Variants in TMOD3 observed in about 807,000 individuals in gnomAD.
The protein encoded by TMOD3 is tropomodulin 3, also known as tropomodulin-3.
A neutral mutation model predicts 39.2 loss-of-function variants in TMOD3; 20 were observed. That is an observed-to-expected ratio of 0.51 (90% confidence interval 0.36 to 0.74). The LOEUF (loss-of-function observed/expected upper bound fraction) is 0.74. Ranked by LOEUF, TMOD3 falls within the 30% of genes least tolerant of loss-of-function variation. TMOD3 has a pLI of 0.00. For missense variants in TMOD3, 381 were observed against 412.8 expected, an observed-to-expected ratio of 0.92 and a Z score of 0.67; for synonymous variants, 143 against 145.8, an observed-to-expected ratio of 0.98 and a Z score of 0.14.
intron 3 of TMOD3, among the ~76,000 whole-genome samples, chr15:51,874,521 T>G (rs941582879): frequency 3.9e-5 from 6 of 152,198 alleles, no homozygotes; most frequent in African/African-American, 1.4e-4. Context: ...TTGTTCTCGT[T>G]TGGAGAATGG....
Position 51,909,262 on chromosome 15 carries a change from CAA to C in TMOD3, c.*453_*454del, listed in dbSNP as rs1246923889. 1 of 153,410 alleles carries C rather than the reference CAA, an allele frequency of 6.5e-6. No homozygotes were observed. Among genetic ancestry groups the C allele is most frequent in the African/African-American group, 2.4e-5 (1 of 41,416 alleles). The allele number at this position is 153,410 out of a possible 1,614,324, so 9.5% of individuals were successfully genotyped here. Reference sequence around the variant, plus strand: ...CATTTTTTAAAATACATGAACTTGGCAAGGGTGTGATTTTTCTTTATCAAGAG... The same window carrying C: ...CATTTTTTAAAATACATGAACTTGGCGGGTGTGATTTTTCTTTATCAAGAG... On this transcript the variant is annotated 3_prime_UTR_variant, in exon 10 of 10. Coordinates refer to ENST00000308580, the MANE Select transcript of TMOD3 (RefSeq NM_014547.5).
intron 3 of TMOD3, among the ~76,000 whole-genome samples, chr15:51,877,567 C>A (rs948102915): frequency 4.0e-5 from 6 of 151,862 alleles, no homozygotes; most frequent in African/African-American, 1.5e-4. Context: ...GTAATCCCAG[C>A]TACTAGGGAG....
chr15:51,907,083 G>C (rs1466187267), intron 9 of TMOD3: 1 of 150,778 alleles, frequency 6.6e-6, no homozygotes, highest in Non-Finnish European at 1.5e-5. Flanking sequence ...ATTTTTCAGA[G>C]ATCTATATAC....
chr15:51,896,452 A>G lies in TMOD3; in HGVS notation c.661A>G (p.Lys221Glu). ...IPIPTLKDFA[K>E]ALETNTHVKC... ...AATTCCAACCCTAAAAGATTTTGCAAAGGCTTTGGAAACCAACACACATGT... is the reference window on the plus strand; with the variant it reads ...AATTCCAACCCTAAAAGATTTTGCAGAGGCTTTGGAAACCAACACACATGT... Residue 221 changes from lysine to glutamate, a missense_variant, in exon 7 of 10, where the codon AAG (lysine) becomes GAG (glutamate). Physicochemically the swap from Lys to Glu is moderately conservative, Grantham distance 56 (BLOSUM62 1). Transcript: ENST00000308580. The G allele has an allele frequency of 6.2e-7, 1 of 1,613,320 alleles. No homozygotes were observed. The highest frequency in any genetic ancestry group is 8.5e-7 in the Non-Finnish European group (1 of 1,179,418).
rs144613279 is a variant in TMOD3 at position 51,862,996 on chromosome 15, G to C, written c.112G>C (p.Asp38His). The change falls in exon 2 of 10, where the codon GAT becomes CAT. Residue 38 changes from aspartate (D) to histidine (H), a missense_variant. Coordinates refer to ENST00000308580, the MANE Select transcript of TMOD3 (RefSeq NM_014547.5). ...ELKQLETVLDDLDPENALLPA... is the reference protein window; with the variant it reads ...ELKQLETVLDHLDPENALLPA... ...GAAACAACTGGAAACTGTTTTGGAT[G>C]ATCTTGACCCCGAGGTAGGTGCTAG... 1 of 1,612,904 alleles carries C rather than the reference G, an allele frequency of 6.2e-7. No homozygotes were observed. The highest frequency in any genetic ancestry group is 1.3e-5 in the African/African-American group (1 of 74,876).
intron 9 of TMOD3, among the ~76,000 whole-genome samples, chr15:51,904,257 C>G (rs1162748940): frequency 6.6e-6 from 1 of 152,198 alleles, no homozygotes; most frequent in South Asian, 2.1e-4. Context: ...GCCTTTTACT[C>G]AGAAAACTAA....
Position 51,893,939 on chromosome 15 carries a change from T to C in TMOD3, c.621T>C (p.Asn207=). Reference sequence around the variant, plus strand: ...ATCTTGTTGAAGTTAATTTGAATAATATAAAGGTAAGTGTGCTAATCAGAG... The same window carrying C: ...ATCTTGTTGAAGTTAATTTGAATAACATAAAGGTAAGTGTGCTAATCAGAG... ...DAHLVEVNLN[N]IKNIPIPTLK... The change falls in exon 6 of 10, where the codon AAT becomes AAC. Residue 207 remains asparagine (N), a synonymous_variant. Coordinates refer to ENST00000308580, the MANE Select transcript of TMOD3 (RefSeq NM_014547.5). 1 of 1,602,794 alleles carries C rather than the reference T, an allele frequency of 6.2e-7. No individual in the cohort carries two copies. The highest frequency in any genetic ancestry group is 8.5e-7 in the Non-Finnish European group (1 of 1,172,590).
At position 51,862,863 on chromosome 15, in the gene TMOD3, G is replaced by A. The variant is rs761589511; in HGVS notation, c.-22G>A. On this transcript the variant is annotated 5_prime_UTR_variant, in exon 2 of 10. It adds an upstream start codon to the 5' untranslated region. Coordinates refer to ENST00000308580, the MANE Select transcript of TMOD3 (RefSeq NM_014547.5). ...GACTGTACTGAACAGCAAAAATTAA[G>A]TGACTTGCTGCCCTGCACATCATGG... 10 of 1,603,250 alleles carry A rather than the reference G, an allele frequency of 6.2e-6. No homozygotes were observed. In the Admixed American group the frequency reaches 1.6e-4, roughly 25 times the overall value.
chr15:51,868,236 CTT>C (rs1264954118), intron 2 of TMOD3, among the ~76,000 whole-genome samples: 1 of 151,982 alleles, frequency 6.6e-6, no homozygotes, highest in Non-Finnish European at 1.5e-5. Flanking sequence ...ATTTAAAACT[CTT>C]TTGTAATAGA....
chr15:51,856,571 T>G (rs1028625038), intron 1 of TMOD3, among the ~76,000 whole-genome samples: 1 of 151,756 alleles, frequency 6.6e-6, no homozygotes, highest in African/African-American at 2.4e-5. Flanking sequence ...GGAAGAGATT[T>G]GTTACATATA....
rs893895083 is a variant in TMOD3 at position 51,833,280 on chromosome 15, T to C, written c.-75+3444T>C. The C allele has an allele frequency of 2.0e-5, 3 of 152,256 alleles. No homozygotes were observed. In the East Asian group the frequency reaches 5.8e-4, roughly 29 times the overall value. 9.4% of individuals were successfully genotyped at this position (152,256 alleles called of 1,614,324 possible). A position where few individuals can be genotyped will look rare whatever the true frequency, so the allele number is the denominator to read the frequency against. ...TGAATAAATCAGAATGGCACATGAT[T>C]GAAAATGCTGTGTAACTGAAGATGC... On this transcript the variant is annotated intron_variant, in intron 1 of 9. Transcript: ENST00000308580.
At chr15:51,857,375 G>A (rs2056393331) in intron 1 of TMOD3, among the ~76,000 whole-genome samples, 1 of 152,088 alleles carries the variant, frequency 6.6e-6, no homozygotes, top group African/African-American at 2.4e-5. Context: ...TATTCTTTAA[G>A]CAATACTGTA....
chr15:51,902,408 A>G (rs1482884324), intron 9 of TMOD3, among the ~76,000 whole-genome samples: 3 of 152,210 alleles, frequency 2.0e-5, no homozygotes, highest in Non-Finnish European at 4.4e-5. Flanking sequence ...TCAATTTTAT[A>G]TGATAGAATG....
At chr15:51,865,370 T>C (rs1468236823) in intron 2 of TMOD3, among the ~76,000 whole-genome samples, 5 of 152,168 alleles carry the variant, frequency 3.3e-5, no homozygotes, top group Non-Finnish European at 7.3e-5. Context: ...GCCTCAGTTA[T>C]TACAATTAGG....
At chr15:51,846,358 GT>G (rs1276707085) in intron 1 of TMOD3, among the ~76,000 whole-genome samples, 1 of 151,744 alleles carries the variant, frequency 6.6e-6, no homozygotes, top group East Asian at 1.9e-4. Flanking sequence ...AACAAATCTA[GT>G]TTGAAGCCCA....
chr15:51,830,840 T>C (rs551339174), intron 1 of TMOD3, among the ~76,000 whole-genome samples: 19 of 152,344 alleles, frequency 1.2e-4, no homozygotes, highest in African/African-American at 4.1e-4. Flanking sequence ...CATTTACTCT[T>C]GCTAGTTTCT....
At chr15:51,831,108 A>G (rs1396644449) in intron 1 of TMOD3, among the ~76,000 whole-genome samples, 3 of 152,174 alleles carry the variant, frequency 2.0e-5, no homozygotes, top group Admixed American at 2.0e-4. Context: ...TATTTTGCTC[A>G]TTCAGGAAAC....
chr15:51,904,686 A>G (rs923022471), intron 9 of TMOD3, among the ~76,000 whole-genome samples: 1 of 152,220 alleles, frequency 6.6e-6, no homozygotes, highest in Middle Eastern at 3.4e-3. Flanking sequence ...TTTTGTGAAG[A>G]CTGTTTTGGT....
Position 51,911,400 on chromosome 15 carries a change from A to T in TMOD3, c.*2590A>T, listed in dbSNP as rs892773224. 1 of 152,242 alleles carries T rather than the reference A, an allele frequency of 6.6e-6. No individual in the cohort carries two copies. The allele number at this position is 152,242 out of a possible 1,614,324, so 9.4% of individuals were successfully genotyped here. On this transcript the variant is annotated 3_prime_UTR_variant, in exon 10 of 10. Coordinates refer to ENST00000308580, the MANE Select transcript of TMOD3 (RefSeq NM_014547.5). ...TTCTTCATAAGTGACATTAAATATG[A>T]ACATTCATCCAATTGAATTTACAAA...
Sources: gnomAD v4.1 joint callset for allele counts (sites outside exome capture counted in the v4.1 genomes callset) on GRCh38, gnomAD v4.1.1 for gene constraint, MANE v1.5 for transcripts, NCBI Gene and HGNC (gene_info 2026-07-23, HGNC 2026-07-21) for gene names.